NAA11: variants seen among roughly 807,000 people sequenced by gnomAD.
NAA11 encodes N-alpha-acetyltransferase 11, NatA catalytic subunit.
NAA11 carries 15 observed loss-of-function variants against 16.1 expected under a neutral mutation model. The ratio of observed to expected loss-of-function variants is 0.93; its 90% CI spans 0.62 to 1.44. The LOEUF (loss-of-function observed/expected upper bound fraction) is 1.44, where lower values mean the gene tolerates loss of function less well. NAA11 is among the 40% of genes most tolerant of loss of function. The pLI is 0.00. For synonymous variants in NAA11, 122 were observed against 112.4 expected (o/e 1.09, Z -0.54); for missense variants, 298 against 291.3 (o/e 1.02, Z -0.17).
intron 1 of NAA11, among the ~76,000 whole-genome samples, chr4:79,318,753 T>C (rs1034334661): frequency 9.9e-5 from 15 of 152,190 alleles, no homozygotes; most frequent in Admixed American, 9.2e-4. Context: ...TGAACAGGCA[T>C]GCAAAAGAAG....
the NAA11 span, among the ~76,000 whole-genome samples, chr4:79,203,634 G>A: frequency 6.6e-6 from 1 of 150,576 alleles, no homozygotes; most frequent in Non-Finnish European, 1.5e-5. Flanking sequence ...TTTTTAAGAG[G>A]ACACTAACTA....
intron 1 of NAA11, among the ~76,000 whole-genome samples, chr4:79,300,833 A>T (rs541421296): frequency 3.9e-5 from 6 of 152,316 alleles, no homozygotes; most frequent in Admixed American, 3.9e-4. Context: ...CGGATATTAA[A>T]ATTAGAGAAG....
the NAA11 span, among the ~76,000 whole-genome samples, chr4:79,187,896 G>A: frequency 6.6e-6 from 1 of 151,498 alleles, no homozygotes; most frequent in Non-Finnish European, 1.5e-5. Context: ...CTACTCGGGA[G>A]GCTGAGGCAG....
intron 2 of NAA11, among the ~76,000 whole-genome samples, chr4:79,249,611 A>T (rs1455813920): frequency 2.0e-5 from 3 of 152,230 alleles, no homozygotes; most frequent in Non-Finnish European, 4.4e-5. Context: ...GAAATAAGGG[A>T]TTATGTAAAA....
the NAA11 span, among the ~76,000 whole-genome samples, chr4:79,192,276 G>C: frequency 1.3e-5 from 2 of 151,586 alleles, no homozygotes; most frequent in African/African-American, 4.8e-5. Context: ...TGTGCACAAT[G>C]TGCAGGTTTG....
the NAA11 span, among the ~76,000 whole-genome samples, chr4:79,164,468 A>G: frequency 1.3e-5 from 2 of 152,184 alleles, no homozygotes; most frequent in African/African-American, 4.8e-5. Context: ...CACCAAGGTT[A>G]TTACCTTCCT....
the NAA11 span, among the ~76,000 whole-genome samples, chr4:79,187,562 C>A: frequency 2.0e-5 from 3 of 152,098 alleles, no homozygotes; most frequent in East Asian, 5.8e-4. Context: ...GGTTCGGAAA[C>A]GGTATCTCCA....
intron 2 of NAA11, among the ~76,000 whole-genome samples, chr4:79,228,839 A>G (rs1007366179): frequency 7.9e-5 from 12 of 152,044 alleles, no homozygotes; most frequent in African/African-American, 2.9e-4. Context: ...TAGTAGAATT[A>G]CTGAATTATA....
intron 2 of NAA11, among the ~76,000 whole-genome samples, chr4:79,247,643 AG>A (rs1341030749): frequency 6.6e-6 from 1 of 152,088 alleles, no homozygotes; most frequent in Non-Finnish European, 1.5e-5. Context: ...AGATCTTCAG[AG>A]GGAAGGCATT....
At chr4:79,210,831 T>C in the NAA11 span, among the ~76,000 whole-genome samples, 3 of 152,084 alleles carry the variant, frequency 2.0e-5, no homozygotes, top group Non-Finnish European at 1.5e-5. Context: ...CCCGGCCCAA[T>C]AGGTCAGTTA....
At chr4:79,162,361 G>A in the NAA11 span, among the ~76,000 whole-genome samples, 7 of 152,096 alleles carry the variant, frequency 4.6e-5, no homozygotes, top group Non-Finnish European at 1.5e-5. Flanking sequence ...TAAAAAACTG[G>A]GGGTCTTAGA....
chr4:79,202,518 T>TTA, the NAA11 span, among the ~76,000 whole-genome samples: 2 of 20,342 alleles, frequency 9.8e-5, no homozygotes, highest in Non-Finnish European at 1.9e-4. Context: ...ATGTAAACTT[T>TTA]TATACACACA....
At chr4:79,241,215 C>T (rs1254082114) in intron 2 of NAA11, among the ~76,000 whole-genome samples, 5 of 152,132 alleles carry the variant, frequency 3.3e-5, no homozygotes, top group African/African-American at 9.7e-5. Flanking sequence ...GATTCACTTT[C>T]GCTTAAATAT....
At chr4:79,233,159 G>A (rs1721502539) in intron 2 of NAA11, among the ~76,000 whole-genome samples, 1 of 151,804 alleles carries the variant, frequency 6.6e-6, no homozygotes, top group South Asian at 2.1e-4. Flanking sequence ...TACTTGATGT[G>A]AGTTGGATTC....
At chr4:79,261,911 AAAGTT>A (rs1722250296) in intron 2 of NAA11, among the ~76,000 whole-genome samples, 1 of 152,342 alleles carries the variant, frequency 6.6e-6, no homozygotes, top group Admixed American at 6.5e-5. Flanking sequence ...GAAAAATATT[AAAGTT>A]AAGAAGCCTA....
Position 79,251,491 on chromosome 4 carries a change from G to A in NAA11, c.*123-25221C>T, listed in dbSNP as rs182493325. 4.4e-3 allele frequency among the ~76,000 whole-genome samples: 664 copies of A among 152,254 alleles called. 7 individuals are homozygous for A. Among genetic ancestry groups the A allele is most frequent in the African/African-American group, 0.015 (629 of 41,552 alleles). ...GCCTACTTGAGAGTGGAGGTTGAGAGGAGGAAGAAGATTACAAAACTTCCT... is the reference window on the plus strand; with the variant it reads ...GCCTACTTGAGAGTGGAGGTTGAGAAGAGGAAGAAGATTACAAAACTTCCT... On this transcript the variant is annotated intron_variant and NMD_transcript_variant, in intron 2 of 2. Coordinates refer to the NAA11 transcript ENST00000511542.
At chr4:79,270,250 G>T (rs1578172066) in intron 2 of NAA11, among the ~76,000 whole-genome samples, 1 of 151,938 alleles carries the variant, frequency 6.6e-6, no homozygotes, top group East Asian at 1.9e-4. Context: ...GAAAGTCATT[G>T]GTAGCTTGAT....
At chr4:79,161,806 C>T in the NAA11 span, among the ~76,000 whole-genome samples, 10 of 152,234 alleles carry the variant, frequency 6.6e-5, no homozygotes, top group East Asian at 1.7e-3. Context: ...CCTCAGACTC[C>T]TGAGTAGCTG....
rs59261096 is a variant in NAA11 at position 79,303,076 on chromosome 4, T to TTATATATATATATA, written c.*13-8976_*13-8963dup. ...TTCATTCCTGTTCTCTTGAGGCCTT[T>TTATATATATATATA]TATATATATATATATATATATATAT... is the stretch of plus-strand genomic sequence containing the variant. On this transcript the variant is annotated intron_variant and NMD_transcript_variant, in intron 1 of 2. Transcript: ENST00000511542. Among the ~76,000 whole-genome samples, 158 of 67,506 alleles carry TTATATATATATATA rather than the reference T, an allele frequency of 2.3e-3. 1 individual carries two copies. The highest frequency in any genetic ancestry group is 0.014 in the Middle Eastern group (1 of 72). The allele number at this position is 67,506 out of a possible 152,430, so 44.3% of individuals were successfully genotyped here.
Sources: gnomAD v4.1 joint callset for allele counts (sites outside exome capture counted in the v4.1 genomes callset) on GRCh38, gnomAD v4.1.1 for gene constraint, MANE v1.5 for transcripts, NCBI Gene and HGNC (gene_info 2026-07-23, HGNC 2026-07-21) for gene names.